Variants in BDP1 observed in about 807,000 individuals in gnomAD.
BDP1 encodes the protein BDP1 general transcription factor IIIB subunit.
Under a neutral mutation model 266.6 loss-of-function variants are expected in BDP1, and 169 were observed. The observed-to-expected ratio is 0.63, with a 90% CI of 0.56 to 0.72. The LOEUF is 0.72. Ranked by LOEUF, BDP1 falls within the 30% of genes least tolerant of loss-of-function variation. The pLI is 0.00. For synonymous variants in BDP1, 1,090 were observed against 1,022.4 expected, an observed-to-expected ratio of 1.07 and a Z score of -1.26; for missense variants, 3,015 against 3,053.8, an observed-to-expected ratio of 0.99 and a Z score of 0.30.
At chr5:71,470,585 C>G (rs1055009657) in intron 7 of BDP1, 96 bp downstream of exon 7, 6 of 750,918 alleles carry the variant, frequency 8.0e-6, no homozygotes, top group Non-Finnish European at 1.3e-5. Flanking sequence ...AATCTTAGTT[C>G]ATCTTTTTTT....
chr5:71,512,364 A>G lies in BDP1; in HGVS notation c.4183A>G (p.Lys1395Glu). ...TTCTTCACAGACTCATGAATCTGAT[A>G]AAACAGAAGTCCAGGGGATTCAATC... The part of the protein sequence containing the change: ...KISSQTHESD[K>E]TEVQGIQSPD... Residue 1395 changes from lysine (K) to glutamate (E), a missense_variant, in exon 18 of 39, where the codon AAA becomes GAA. Physicochemically the swap from Lys to Glu is moderately conservative, Grantham distance 56. This residue lies in a region of BDP1 where 2,383 missense variants were observed against 2,404.9 expected (regional missense o/e 0.99). Coordinates refer to ENST00000358731, the MANE Select transcript of BDP1 (RefSeq NM_018429.3). 6.3e-7 allele frequency: 1 copy of G among 1,598,070 alleles called. No individual in the cohort carries two copies. Among genetic ancestry groups the G allele is most frequent in the Non-Finnish European group, 8.5e-7 (1 of 1,175,928 alleles).
chr5:71,466,766 G>T (rs1039589553), intron 5 of BDP1, among the ~76,000 whole-genome samples: 2 of 152,004 alleles, frequency 1.3e-5, no homozygotes, highest in African/African-American at 2.4e-5. Context: ...TTTAAAAGAT[G>T]ATAAATTAGT....
chr5:71,508,773 G>T (rs1764729749), intron 16 of BDP1, among the ~76,000 whole-genome samples: 2 of 152,140 alleles, frequency 1.3e-5, no homozygotes, highest in Non-Finnish European at 2.9e-5. Context: ...ATAATAAACA[G>T]AAAGCAAAAC....
At chr5:71,476,591 A>G (rs961509107) in intron 7 of BDP1, among the ~76,000 whole-genome samples, 3 of 151,690 alleles carry the variant, frequency 2.0e-5, no homozygotes, top group African/African-American at 7.3e-5. Context: ...TCCAGGCTGG[A>G]GTGCAGTGGC....
chr5:71,483,803 A>G, intron 7 of BDP1, 39 bp from the exon 8 acceptor site: 1 of 1,503,886 alleles, frequency 6.6e-7, no homozygotes, highest in Non-Finnish European at 9.2e-7. Context: ...TGCTTGTTTT[A>G]TGAGAGAAAA....
rs1762167408 is a variant in BDP1, at chr5:71,470,395, A to G, written c.920A>G (p.Glu307Gly). 1.9e-6 allele frequency: 3 copies of G among 1,588,196 alleles called. No individual in the cohort carries two copies. Among genetic ancestry groups the G allele is most frequent in the Non-Finnish European group, 2.6e-6 (3 of 1,162,740 alleles). ...NYYSKPWSNK[E>G]TDMFFLAISM... ...CATTCTAAATCTTTTATTTTCACAGAAACAGATATGTTTTTTTTAGCCATC... is the reference window on the plus strand; with the variant it reads ...CATTCTAAATCTTTTATTTTCACAGGAACAGATATGTTTTTTTTAGCCATC... The change falls in exon 7 of 39, where the codon GAA becomes GGA. Residue 307 changes from glutamate (E) to glycine (G), a missense_variant and splice_region_variant. By Grantham distance (98) the Glu-to-Gly change is moderately conservative (BLOSUM62 -2). Coordinates refer to ENST00000358731, the MANE Select transcript of BDP1 (RefSeq NM_018429.3).
chr5:71,529,643 A>G (rs1448422927), intron 25 of BDP1, among the ~76,000 whole-genome samples: 1 of 152,246 alleles, frequency 6.6e-6, no homozygotes, highest in East Asian at 1.9e-4. Flanking sequence ...GTAAGCTACA[A>G]TCATGCCACT....
At chr5:71,529,618 G>A (rs1247442451) in intron 25 of BDP1, among the ~76,000 whole-genome samples, 1 of 152,218 alleles carries the variant, frequency 6.6e-6, no homozygotes, top group Non-Finnish European at 1.5e-5. Flanking sequence ...TTGAACCCAG[G>A]AGTTTGAGGT....
In BDP1 at chr5:71,456,021, G is replaced by A. The variant is rs1761154666; in HGVS notation, c.144G>A (p.Ala48=). 1.9e-6 allele frequency: 3 copies of A among 1,613,400 alleles called. No individual in the cohort carries two copies. The African/African-American group carries it at 4.0e-5, about 22-fold the overall frequency. The change falls in exon 1 of 39, where the codon GCG becomes GCA. Residue 48 remains alanine, a synonymous_variant. Transcript: ENST00000358731. ...CCACGGACTCTGCTTCCAAGCCCGC[G>A]GAGCCCACAGATGTGCCCACAGTCG... ...DPATDSASKP[A]EPTDVPTVDF...
intron 7 of BDP1, among the ~76,000 whole-genome samples, chr5:71,473,474 CTG>C (rs1455938496): frequency 6.6e-6 from 1 of 151,638 alleles, no homozygotes; most frequent in African/African-American, 2.4e-5. Context: ...CGGAGTTTCA[CTG>C]TGTTAGCCAG....
intron 7 of BDP1, among the ~76,000 whole-genome samples, chr5:71,479,798 G>A (rs1343121713): frequency 1.3e-5 from 2 of 151,814 alleles, no homozygotes; most frequent in Non-Finnish European, 2.9e-5. Flanking sequence ...TGCCTGCCTC[G>A]GCCTCCCAAA....
intron 34 of BDP1, among the ~76,000 whole-genome samples, chr5:71,550,374 A>AG (rs1369722220): frequency 6.6e-6 from 1 of 151,850 alleles, no homozygotes; most frequent in East Asian, 1.9e-4. Context: ...TGATAGAGTG[A>AG]GGAAAAAAAA....
At chr5:71,497,522 T>A (rs925393733) in intron 13 of BDP1, 96 bp downstream of exon 13, 2 of 876,348 alleles carry the variant, frequency 2.3e-6, no homozygotes, top group Non-Finnish European at 3.5e-6. Flanking sequence ...CAAAGTACTG[T>A]TACTGATATT....
At chr5:71,462,316 A>C (rs536515795) in intron 3 of BDP1, among the ~76,000 whole-genome samples, 2 of 152,248 alleles carry the variant, frequency 1.3e-5, no homozygotes, top group Admixed American at 6.5e-5. Flanking sequence ...TTTTATAGTA[A>C]ATTTTTTAGT....
intron 14 of BDP1, among the ~76,000 whole-genome samples, chr5:71,502,127 A>G (rs1764278511): frequency 6.6e-6 from 1 of 151,522 alleles, no homozygotes; most frequent in Non-Finnish European, 1.5e-5. Context: ...TTTGTAATAA[A>G]ATTCTATTTA....
At chr5:71,550,091 A>G (rs1428838040) in intron 34 of BDP1, among the ~76,000 whole-genome samples, 1 of 152,242 alleles carries the variant, frequency 6.6e-6, no homozygotes, top group African/African-American at 2.4e-5. Context: ...TCCTGGGCGC[A>G]AGAGATCCTC....
chr5:71,510,586 C>T lies in BDP1; in HGVS notation c.3494C>T (p.Pro1165Leu). ...PEENGPEEVK[P>L]VDEMETDLKT... ...GAAAATGGCCCAGAGGAGGTCAAGC[C>T]TGTAGATGAAATGGAGACAGACTTG... Residue 1165 changes from proline to leucine, a missense_variant, in exon 17 of 39, where the codon CCT becomes CTT. Transcript: ENST00000358731. 1.2e-6 allele frequency: 2 copies of T among 1,613,784 alleles called. No individual in the cohort carries two copies. The highest frequency in any genetic ancestry group is 1.7e-6 in the Non-Finnish European group (2 of 1,179,828).
chr5:71,456,354 T>C (rs1761188892), intron 1 of BDP1, among the ~76,000 whole-genome samples: 1 of 152,340 alleles, frequency 6.6e-6, no homozygotes, highest in Admixed American at 6.5e-5. Flanking sequence ...GGTATGGCAG[T>C]CCTGAAGTGA....
intron 34 of BDP1, among the ~76,000 whole-genome samples, chr5:71,549,882 C>A (rs1321413989): frequency 6.6e-6 from 1 of 152,146 alleles, no homozygotes; most frequent in African/African-American, 2.4e-5. Flanking sequence ...TAAAATGATA[C>A]CTGTTAAAAG....
Sources: allele counts gnomAD v4.1 joint callset (sites outside exome capture counted in the v4.1 genomes callset), GRCh38; gene constraint gnomAD v4.1.1; regional missense constraint gnomAD v4.1.1; transcripts MANE v1.5; gene names NCBI Gene and HGNC (gene_info 2026-07-23, HGNC 2026-07-21).